The following BRINP2 variants were observed in gnomAD, a reference collection of about 807,000 sequenced individuals.
BRINP2 encodes BMP/retinoic acid-inducible neural-specific protein 2.
Under a neutral mutation model 69.2 loss-of-function variants are expected in BRINP2, and 21 were observed. That is an observed-to-expected ratio of 0.30 (90% confidence interval 0.22 to 0.44). The LOEUF is 0.44. Among genes scored for constraint, BRINP2 ranks in the 20% least tolerant of loss-of-function variants. The pLI is 1.00. For missense variants in BRINP2, 877 were observed against 986.0 expected (o/e 0.89, Z 1.48); for synonymous variants, 380 against 394.1 (o/e 0.96, Z 0.42).
Position 177,280,901 on chromosome 1 carries a change from T to C in BRINP2, c.1725T>C (p.Cys575=). The C allele has an allele frequency of 6.2e-7, 1 of 1,614,172 alleles. No individual in the cohort carries two copies. Among genetic ancestry groups the C allele is most frequent in the Non-Finnish European group, 8.5e-7 (1 of 1,180,046 alleles). Residue 575 remains cysteine (C), a synonymous_variant, in exon 8 of 8, where the codon TGT becomes TGC. Coordinates refer to ENST00000361539, the MANE Select transcript of BRINP2 (RefSeq NM_021165.4). ...HVMLALSLQI[C]LTKNSTLEPV... ...TGTTGGCCTTGTCCTTGCAGATCTG[T>C]CTCACCAAGAACAGCACCCTGGAGC... is the stretch of plus-strand genomic sequence containing the variant.
chr1:177,228,525 G>C (rs1649769106), intron 1 of BRINP2, among the ~76,000 whole-genome samples: 1 of 152,192 alleles, frequency 6.6e-6, no homozygotes, highest in African/African-American at 2.4e-5. Context: ...CCTTACCAGA[G>C]TCTGGAACTG....
At chr1:177,218,532 T>C (rs1216804023) in intron 1 of BRINP2, among the ~76,000 whole-genome samples, 1 of 152,214 alleles carries the variant, frequency 6.6e-6, no homozygotes, top group African/African-American at 2.4e-5. Context: ...ACCTCCTGAC[T>C]TTGTTTTTAC....
chr1:177,276,858 T>C (rs533452707), intron 6 of BRINP2, among the ~76,000 whole-genome samples: 1 of 152,334 alleles, frequency 6.6e-6, no homozygotes, highest in South Asian at 2.1e-4. Context: ...TTAAAGCTAA[T>C]ATCAGTTACC....
intron 4 of BRINP2, among the ~76,000 whole-genome samples, chr1:177,258,839 C>T (rs950637990): frequency 6.6e-5 from 10 of 152,202 alleles, no homozygotes; most frequent in Non-Finnish European, 1.2e-4. Flanking sequence ...ATGATGTGTG[C>T]TCTGACTGGT....
chr1:177,262,436 C>T (rs1382434260), intron 4 of BRINP2, among the ~76,000 whole-genome samples: 3 of 150,270 alleles, frequency 2.0e-5, no homozygotes, highest in East Asian at 2.1e-4. Flanking sequence ...CACTTGAACC[C>T]GGGAGACGGA....
Position 177,188,863 on chromosome 1 carries a change from A to G in BRINP2, c.-77+17131A>G, listed in dbSNP as rs1405494586. 2.6e-5 allele frequency among the ~76,000 whole-genome samples: 4 copies of G among 152,296 alleles called. No homozygotes were observed. In the East Asian group the frequency reaches 7.7e-4, roughly 29 times the overall value. On this transcript the variant is annotated intron_variant, in intron 1 of 7. Transcript: ENST00000361539. ...TATCTTTCCTGAGAGGTTTTTTTAA[A>G]GAAGCAGAAACTGCAGTGTATGTTT...
chr1:177,219,764 C>T (rs1204449094), intron 1 of BRINP2, among the ~76,000 whole-genome samples: 1 of 152,224 alleles, frequency 6.6e-6, no homozygotes, highest in African/African-American at 2.4e-5. Flanking sequence ...TGGAGAGTTG[C>T]TTATCAGCCC....
intron 1 of BRINP2, among the ~76,000 whole-genome samples, chr1:177,204,288 G>T (rs1375380456): frequency 6.6e-6 from 1 of 152,126 alleles, no homozygotes; most frequent in African/African-American, 2.4e-5. Flanking sequence ...GAGTTCAGGA[G>T]AGGGCCTAGG....
intron 4 of BRINP2, among the ~76,000 whole-genome samples, chr1:177,269,463 T>C (rs1651236874): frequency 6.6e-6 from 1 of 152,182 alleles, no homozygotes; most frequent in Admixed American, 6.5e-5. Context: ...TGGGGAGGGC[T>C]TGACATGCTC....
At chr1:177,227,205 T>C (rs1007910544) in intron 1 of BRINP2, among the ~76,000 whole-genome samples, 1 of 152,156 alleles carries the variant, frequency 6.6e-6, no homozygotes, top group African/African-American at 2.4e-5. Flanking sequence ...ATCTTGGTCA[T>C]TTGGGAATTC....
intron 1 of BRINP2, among the ~76,000 whole-genome samples, chr1:177,172,929 C>T (rs1437711362): frequency 6.6e-6 from 1 of 152,200 alleles, no homozygotes. Context: ...AGTATTTCTG[C>T]TTCTGTCCTT....
intron 1 of BRINP2, among the ~76,000 whole-genome samples, chr1:177,197,059 C>T (rs1160209488): frequency 2.0e-5 from 3 of 151,964 alleles, no homozygotes; most frequent in Non-Finnish European, 2.9e-5. Flanking sequence ...CCGTATTAGT[C>T]CATTCTCACA....
chr1:177,216,716 A>G (rs1649388528), intron 1 of BRINP2, among the ~76,000 whole-genome samples: 3 of 151,218 alleles, frequency 2.0e-5, no homozygotes, highest in Non-Finnish European at 1.5e-5. Context: ...TGTCTGGGAA[A>G]GTTTTTATTT....
chr1:177,246,198 C>T (rs111470756), intron 2 of BRINP2, among the ~76,000 whole-genome samples: 85 of 152,298 alleles, frequency 5.6e-4, no homozygotes, highest in African/African-American at 1.9e-3. Flanking sequence ...GCCTGGGGAT[C>T]TCTCCCAGCC....
chr1:177,263,074 C>T (rs1354616212), intron 4 of BRINP2, among the ~76,000 whole-genome samples: 3 of 151,970 alleles, frequency 2.0e-5, no homozygotes, highest in Non-Finnish European at 4.4e-5. Context: ...GGAGTGATTA[C>T]AGTAATGGAC....
At chr1:177,184,956 C>T (rs944853424) in intron 1 of BRINP2, among the ~76,000 whole-genome samples, 2 of 152,072 alleles carry the variant, frequency 1.3e-5, no homozygotes, top group African/African-American at 2.4e-5. Context: ...AATCCCCAGC[C>T]CCTCCTCCAG....
At chr1:177,240,238 T>C (rs915817592) in intron 2 of BRINP2, among the ~76,000 whole-genome samples, 4 of 152,186 alleles carry the variant, frequency 2.6e-5, no homozygotes, top group Admixed American at 2.6e-4. Context: ...CAGAGGCATG[T>C]AAACACCTAA....
chr1:177,249,680 TA>T (rs551624962), intron 2 of BRINP2, among the ~76,000 whole-genome samples: 17 of 152,110 alleles, frequency 1.1e-4, no homozygotes, highest in South Asian at 1.0e-3. Context: ...TTTCTTAGTT[TA>T]AAAAAAAGAG....
rs547543484 is a variant in BRINP2 at position 177,176,602 on chromosome 1, G to A, written c.-77+4870G>A. Among the ~76,000 whole-genome samples the A allele has an allele frequency of 1.3e-4, 20 of 151,228 alleles. 2 individuals carry two copies. Among genetic ancestry groups the A allele is most frequent in the Middle Eastern group, 6.8e-3 (2 of 292 alleles). Reference sequence around the variant, plus strand: ...CCTGCAAAGTAGTGACAGGTTAATGGGGAAAAGGTGCAGAGGCATGAAATA... The same window carrying A: ...CCTGCAAAGTAGTGACAGGTTAATGAGGAAAAGGTGCAGAGGCATGAAATA... On this transcript the variant is annotated intron_variant, in intron 1 of 7. Transcript: ENST00000361539.
Sources: allele counts gnomAD v4.1 joint callset (sites outside exome capture counted in the v4.1 genomes callset), GRCh38; gene constraint gnomAD v4.1.1; transcripts MANE v1.5; gene names NCBI Gene and HGNC (gene_info 2026-07-23, HGNC 2026-07-21).